Variants in PRKG1 observed in about 807,000 individuals in gnomAD.
PRKG1 encodes the protein protein kinase cGMP-dependent 1.
PRKG1 carries 35 observed loss-of-function variants against 88.1 expected under a neutral mutation model. The ratio of observed to expected loss-of-function variants is 0.40; its 90% confidence interval spans 0.30 to 0.53. The LOEUF (loss-of-function observed/expected upper bound fraction) is 0.53. PRKG1 is among the 20% of genes least tolerant of loss of function. PRKG1 has a pLI of 0.59. For missense variants in PRKG1, 540 were observed against 839.8 expected, an observed-to-expected ratio of 0.64 and a Z score of 4.41; for synonymous variants, 303 against 292.5, an observed-to-expected ratio of 1.04 and a Z score of -0.37.
intron 7 of PRKG1, among the ~76,000 whole-genome samples, chr10:52,085,576 C>T (rs1846891214): frequency 6.6e-6 from 1 of 152,066 alleles, no homozygotes; most frequent in East Asian, 1.9e-4. Flanking sequence ...TTATAATAAT[C>T]TGTATCACTC....
At chr10:51,661,914 C>T in intron 3 of PRKG1, among the ~76,000 whole-genome samples, 1 of 152,128 alleles carries the variant, frequency 6.6e-6, no homozygotes, top group East Asian at 1.9e-4. Context: ...AGGATGAGTT[C>T]ACATCCTTTG....
chr10:51,549,120 C>CTTTTGTTTTTTTTTTTTTTTT (rs71459423), intron 3 of PRKG1, among the ~76,000 whole-genome samples: 1 of 70,326 alleles, frequency 1.4e-5, no homozygotes, highest in Non-Finnish European at 2.6e-5. Context: ...CTTTTCTTTT[C>CTTTTGTTTTTTTTTTTTTTTT]TTTTTTTTTT....
At chr10:52,092,254 C>A (rs773755167) in intron 7 of PRKG1, among the ~76,000 whole-genome samples, 8 of 152,072 alleles carry the variant, frequency 5.3e-5, no homozygotes, top group Non-Finnish European at 1.2e-4. Context: ...CAGATTTGCT[C>A]CAGCCTATTT....
chr10:51,729,695 A>G (rs1238384080), intron 3 of PRKG1, among the ~76,000 whole-genome samples: 1 of 121,768 alleles, frequency 8.2e-6, no homozygotes, highest in Non-Finnish European at 1.6e-5. Flanking sequence ...CAACAGAGTG[A>G]GACTCCATCT....
chr10:51,218,358 T>A (rs1364999821), intron 2 of PRKG1, among the ~76,000 whole-genome samples: 1 of 151,686 alleles, frequency 6.6e-6, no homozygotes, highest in South Asian at 2.1e-4. Flanking sequence ...TCATACACTA[T>A]CCTCAACTAT....
rs1463615748 is a variant in PRKG1 at position 52,297,509 on chromosome 10, G to A, written c.*3609G>A. On this transcript the variant is annotated 3_prime_UTR_variant, in exon 18 of 18. Coordinates refer to ENST00000373980, the MANE Select transcript of PRKG1 (RefSeq NM_006258.4). The stretch of plus-strand genomic sequence containing the variant: ...TTATAAGCCTTTATTATATAATATT[G>A]ATGAATTACAGAAATGATGAAGTTG... 1.3e-5 allele frequency: 2 copies of A among 152,064 alleles called. No individual in the cohort carries two copies. Among genetic ancestry groups the A allele is most frequent in the African/African-American group, 2.4e-5 (1 of 41,402 alleles). 9.4% of individuals were successfully genotyped at this position (152,064 alleles called of 1,614,324 possible). A position where few individuals can be genotyped will look rare whatever the true frequency, so the allele number is the denominator to read the frequency against.
chr10:52,085,142 A>G (rs1846879314), intron 7 of PRKG1, among the ~76,000 whole-genome samples: 1 of 152,116 alleles, frequency 6.6e-6, no homozygotes. Context: ...GTCATTGCTC[A>G]GAGTTTCCAC....
chr10:51,347,738 G>A (rs1165323804), intron 2 of PRKG1, among the ~76,000 whole-genome samples: 1 of 151,994 alleles, frequency 6.6e-6, no homozygotes, highest in Non-Finnish European at 1.5e-5. Flanking sequence ...GGTGTAACAG[G>A]CCAGATTTAG....
intron 2 of PRKG1, among the ~76,000 whole-genome samples, chr10:51,389,086 A>G (rs191401433): frequency 3.9e-5 from 6 of 152,334 alleles, no homozygotes; most frequent in East Asian, 1.9e-4. Context: ...GTGATAGCCA[A>G]TTACAGGATT....
chr10:51,026,510 A>G (rs568785944), intron 1 of PRKG1, among the ~76,000 whole-genome samples: 1 of 152,204 alleles, frequency 6.6e-6, no homozygotes, highest in Admixed American at 6.6e-5. Context: ...GCAAGGGTTC[A>G]TGGAACCTAG....
intron 3 of PRKG1, among the ~76,000 whole-genome samples, chr10:51,597,690 T>C (rs1838489547): frequency 6.6e-6 from 1 of 151,960 alleles, no homozygotes; most frequent in African/African-American, 2.4e-5. Context: ...GGCAAGAAAA[T>C]CAATATTGGA....
chr10:51,650,448 C>T (rs1209045762), intron 3 of PRKG1, among the ~76,000 whole-genome samples: 4 of 152,070 alleles, frequency 2.6e-5, no homozygotes, highest in Admixed American at 1.3e-4. Flanking sequence ...CTTGTATAAC[C>T]GTTGACAAAA....
intron 7 of PRKG1, among the ~76,000 whole-genome samples, chr10:52,109,775 TATCTC>T (rs1847513280): frequency 6.7e-6 from 1 of 150,002 alleles, no homozygotes; most frequent in Admixed American, 6.6e-5. Flanking sequence ...AAAAAAATCT[TATCTC>T]AAAAATGACT....
intron 10 of PRKG1, among the ~76,000 whole-genome samples, chr10:52,254,870 C>A (rs776508456): frequency 6.6e-6 from 1 of 151,940 alleles, no homozygotes; most frequent in Non-Finnish European, 1.5e-5. Context: ...ATCTTTTAGG[C>A]ATAGGAATTG....
chr10:51,209,915 T>C (rs1322584090), intron 2 of PRKG1, among the ~76,000 whole-genome samples: 1 of 152,176 alleles, frequency 6.6e-6, no homozygotes, highest in Non-Finnish European at 1.5e-5. Context: ...TTCCTGGACT[T>C]AATTGCTTGA....
chr10:51,214,516 C>G (rs1234994007), intron 2 of PRKG1, among the ~76,000 whole-genome samples: 1 of 151,868 alleles, frequency 6.6e-6, no homozygotes, highest in Non-Finnish European at 1.5e-5. Context: ...GGGTATTGCT[C>G]TTTTGCCCAG....
intron 4 of PRKG1, among the ~76,000 whole-genome samples, chr10:51,834,795 A>T (rs898684485): frequency 6.6e-6 from 1 of 152,046 alleles, no homozygotes; most frequent in Non-Finnish European, 1.5e-5. Flanking sequence ...AAGTGAGGGT[A>T]TGAAAGAGCA....
intron 5 of PRKG1, among the ~76,000 whole-genome samples, chr10:51,979,972 A>C (rs1043190125): frequency 6.6e-6 from 1 of 151,994 alleles, no homozygotes; most frequent in African/African-American, 2.4e-5. Context: ...TTTGTGTCCC[A>C]GTCTCCATCA....
intron 1 of PRKG1, among the ~76,000 whole-genome samples, chr10:51,120,186 C>T (rs1845227722): frequency 6.6e-6 from 1 of 152,004 alleles, no homozygotes; most frequent in African/African-American, 2.4e-5. Context: ...TAGTAAAATC[C>T]CATTATAAAT....
Sources: allele counts gnomAD v4.1 joint callset (sites outside exome capture counted in the v4.1 genomes callset), GRCh38; gene constraint gnomAD v4.1.1; transcripts MANE v1.5; gene names NCBI Gene and HGNC (gene_info 2026-07-23, HGNC 2026-07-21).